The following TMCC3 variants were observed in gnomAD, a reference collection of about 807,000 sequenced individuals.
The protein encoded by TMCC3 is transmembrane and coiled-coil domain protein 3.
In TMCC3, 28 loss-of-function variants were observed where a neutral mutation model predicts 40.2. That is an observed-to-expected ratio of 0.70 (90% confidence interval 0.52 to 0.95). TMCC3 has a LOEUF of 0.95. TMCC3 is among the 40% of genes least tolerant of loss of function. The pLI is 0.00. For missense variants in TMCC3, 554 were observed against 615.2 expected (o/e 0.90, Z 1.05); for synonymous variants, 255 against 248.5 (o/e 1.03, Z -0.25).
chr12:94,631,052 T>C (rs2068930905), intron 1 of TMCC3, among the ~76,000 whole-genome samples: 1 of 152,214 alleles, frequency 6.6e-6, no homozygotes, highest in Admixed American at 6.5e-5. Context: ...ATAAATGTTT[T>C]CAATCAACAT....
At chr12:94,600,615 T>C (rs984591713) in intron 1 of TMCC3, among the ~76,000 whole-genome samples, 7 of 152,204 alleles carry the variant, frequency 4.6e-5, no homozygotes, top group Admixed American at 1.3e-4. Context: ...CTCAGCACTG[T>C]GGTACATGAA....
chr12:94,616,369 G>A (rs1407893256), intron 1 of TMCC3: 1 of 152,356 alleles, frequency 6.6e-6, no homozygotes, highest in South Asian at 2.1e-4. Flanking sequence ...CAGAGCAAAT[G>A]CCAGCAGTGG....
At chr12:94,601,090 T>C (rs767539134) in intron 1 of TMCC3, among the ~76,000 whole-genome samples, 21 of 152,242 alleles carry the variant, frequency 1.4e-4, no homozygotes, top group African/African-American at 4.3e-4. Flanking sequence ...ATACTACTTA[T>C]CTTTACTACA....
intron 1 of TMCC3, among the ~76,000 whole-genome samples, chr12:94,595,900 T>C (rs547792588): frequency 6.6e-6 from 1 of 152,314 alleles, no homozygotes; most frequent in African/African-American, 2.4e-5. Flanking sequence ...ATTCAATCGA[T>C]ATTTTGGTAC....
intron 3 of TMCC3, among the ~76,000 whole-genome samples, chr12:94,574,434 C>T (rs1171132770): frequency 6.6e-6 from 1 of 151,656 alleles, no homozygotes; most frequent in African/African-American, 2.4e-5. Flanking sequence ...GAGAAACCTT[C>T]AGGCCTGCTG....
At chr12:94,585,887 A>C (rs533346796) in intron 1 of TMCC3, among the ~76,000 whole-genome samples, 1 of 152,288 alleles carries the variant, frequency 6.6e-6, no homozygotes, top group Non-Finnish European at 1.5e-5. Flanking sequence ...TTGGGGAGGC[A>C]TGATGTCATA....
intron 1 of TMCC3, among the ~76,000 whole-genome samples, chr12:94,635,706 C>A (rs2068957274): frequency 7.4e-6 from 1 of 135,564 alleles, no homozygotes; most frequent in Non-Finnish European, 1.5e-5. Flanking sequence ...GGCTCTGTTG[C>A]CCAGGCTGGA....
At position 94,571,598 on chromosome 12, in the gene TMCC3, A is replaced by G; in HGVS notation, c.1271T>C (p.Val424Ala). 1.2e-6 allele frequency: 2 copies of G among 1,614,172 alleles called. No homozygotes were observed. The highest frequency in any genetic ancestry group is 1.1e-5 in the South Asian group (1 of 91,080). Residue 424 changes from valine (V) to alanine (A), a missense_variant, in exon 4 of 4, where the codon GTC becomes GCC. Val to Ala is a moderately conservative substitution (Grantham distance 64). Coordinates refer to ENST00000261226, the MANE Select transcript of TMCC3 (RefSeq NM_020698.4). ...CINVILAFMT[V>A]ILVCVSTIAK... Reference sequence around the variant, plus strand: ...GATGGTGGACACACACACTAAGATGACAGTCATGAAGGCCAGGATCACGTT... The same window carrying G: ...GATGGTGGACACACACACTAAGATGGCAGTCATGAAGGCCAGGATCACGTT...
At chr12:94,590,845 C>A in intron 1 of TMCC3, 1 of 533,088 alleles carries the variant, frequency 1.9e-6, no homozygotes, top group South Asian at 1.6e-5. Context: ...GCACCCGCAA[C>A]AAACTACCAA....
intron 1 of TMCC3, among the ~76,000 whole-genome samples, chr12:94,640,838 C>CTTAA (rs1189495621): frequency 2.0e-5 from 3 of 152,166 alleles, no homozygotes; most frequent in Non-Finnish European, 4.4e-5. Context: ...TTGCTCAAAT[C>CTTAA]CAGAGGTAAG....
intron 1 of TMCC3, among the ~76,000 whole-genome samples, chr12:94,635,300 A>G (rs1409199305): frequency 6.6e-6 from 1 of 152,200 alleles, no homozygotes; most frequent in Non-Finnish European, 1.5e-5. Context: ...GGGCTAACAA[A>G]GCAGAAGCAG....
intron 1 of TMCC3, among the ~76,000 whole-genome samples, chr12:94,587,487 AG>A (rs2068645213): frequency 6.6e-6 from 1 of 152,214 alleles, no homozygotes; most frequent in South Asian, 2.1e-4. Flanking sequence ...ACCACTCTTA[AG>A]AGCTGTGGGA....
chr12:94,624,592 T>C (rs2068893206), intron 1 of TMCC3, among the ~76,000 whole-genome samples: 1 of 152,000 alleles, frequency 6.6e-6, no homozygotes. Context: ...CGTACGCCTG[T>C]AGTCCCAGCT....
chr12:94,578,362 A>G (rs763352518), intron 3 of TMCC3, 32 bp downstream of exon 3: 13 of 1,608,134 alleles, frequency 8.1e-6, no homozygotes, highest in Non-Finnish European at 1.1e-5. Flanking sequence ...GGAAGAGCCC[A>G]GGCCTGTGTC....
At chr12:94,620,635 T>A (rs1419154331) in intron 1 of TMCC3, among the ~76,000 whole-genome samples, 2 of 151,776 alleles carry the variant, frequency 1.3e-5, no homozygotes, top group East Asian at 3.9e-4. Flanking sequence ...AGCTACTTAA[T>A]AGAAAAAAAT....
intron 3 of TMCC3, among the ~76,000 whole-genome samples, chr12:94,573,844 A>T (rs2068547560): frequency 6.6e-6 from 1 of 152,040 alleles, no homozygotes; most frequent in Non-Finnish European, 1.5e-5. Flanking sequence ...TCACCCGTGG[A>T]TCTCCCACTC....
At chr12:94,591,793 C>A (rs559488108) in intron 1 of TMCC3, among the ~76,000 whole-genome samples, 2 of 152,216 alleles carry the variant, frequency 1.3e-5, no homozygotes, top group South Asian at 2.1e-4. Context: ...ATGAGAGATA[C>A]CCCTAGCCCA....
At chr12:94,581,482 A>C in intron 2 of TMCC3, 140 bp downstream of exon 2, 1 of 481,976 alleles carries the variant, frequency 2.1e-6, no homozygotes, top group Non-Finnish European at 3.3e-6. Context: ...ATCCTTTTAA[A>C]AGAATGCCAC....
chr12:94,639,451 T>TG (rs2068977428), intron 1 of TMCC3, among the ~76,000 whole-genome samples: 1 of 151,952 alleles, frequency 6.6e-6, no homozygotes, highest in Non-Finnish European at 1.5e-5. Context: ...GGCATGGTGG[T>TG]GGGCACCTGT....
Sources: gnomAD v4.1 joint callset for allele counts (sites outside exome capture counted in the v4.1 genomes callset) on GRCh38, gnomAD v4.1.1 for gene constraint, MANE v1.5 for transcripts, NCBI Gene and HGNC (gene_info 2026-07-23, HGNC 2026-07-21) for gene names.